Variants in ATP6V0A1 observed in about 807,000 individuals in gnomAD.
ATP6V0A1 encodes V-type proton ATPase 116 kDa subunit a 1.
ATP6V0A1 carries 43 observed loss-of-function variants against 105.4 expected under a neutral mutation model. The observed-to-expected ratio is 0.41, with a 90% CI of 0.32 to 0.53. The LOEUF (loss-of-function observed/expected upper bound fraction) is 0.53. Among genes scored for constraint, ATP6V0A1 ranks in the 20% least tolerant of loss-of-function variants. The probability of loss-of-function intolerance (pLI) is 0.30; values close to 1 mark genes in which losing one functional copy is unlikely to be tolerated. For synonymous variants in ATP6V0A1, 362 were observed against 372.8 expected, an observed-to-expected ratio of 0.97 and a Z score of 0.33; for missense variants, 676 against 1,051.1, an observed-to-expected ratio of 0.64 and a Z score of 4.93.
chr17:42,508,647 T>C, intron 19 of ATP6V0A1, 58 bp downstream of exon 19: 2 of 1,609,366 alleles, frequency 1.2e-6, no homozygotes, highest in Middle Eastern at 1.7e-4. Context: ...TTCCCATCCT[T>C]GTGATCACTC....
chr17:42,466,508 G>A lies in ATP6V0A1; in HGVS notation c.196+1G>A, dbSNP rs1426272694. On this transcript the variant is annotated splice_donor_variant, in intron 3 of 21. Coordinates refer to ENST00000343619, the MANE Select transcript of ATP6V0A1 (RefSeq NM_001130021.3). LOFTEE classifies it high-confidence loss of function. ...TGTGAAGAAATGGATCGAAAGCTTC[G>A]TATGTGCACTTTGGTCTTGTGTAAT... 1.2e-6 allele frequency: 2 copies of A among 1,611,876 alleles called. No individual in the cohort carries two copies. The highest frequency in any genetic ancestry group is 1.7e-5 in the Admixed American group (1 of 60,008).
intron 4 of ATP6V0A1, 98 bp from the exon 5 acceptor site, chr17:42,469,992 C>A: frequency 8.2e-7 from 1 of 1,224,312 alleles, no homozygotes; most frequent in Non-Finnish European, 1.1e-6. Flanking sequence ...TCTCTTTGAA[C>A]TATCGGCTTG....
intron 21 of ATP6V0A1, chr17:42,520,270 C>T: frequency 2.8e-6 from 1 of 359,962 alleles, no homozygotes; most frequent in Non-Finnish European, 5.5e-6. Flanking sequence ...GGTTGCTGGG[C>T]AGCTGTCCAG....
At chr17:42,500,611 G>A (rs1359468414) in intron 15 of ATP6V0A1, 96 bp from the exon 16 acceptor site, 2 of 938,542 alleles carry the variant, frequency 2.1e-6, no homozygotes, top group African/African-American at 1.6e-5. Context: ...AGAATTGAGG[G>A]GGTATTAAGT....
At chr17:42,490,987 G>A (rs998383405) in intron 11 of ATP6V0A1, among the ~76,000 whole-genome samples, 1 of 152,174 alleles carries the variant, frequency 6.6e-6, no homozygotes, top group Non-Finnish European at 1.5e-5. Flanking sequence ...AACCTCTGGA[G>A]TAGCTGGGAC....
At chr17:42,514,054 C>T (rs1029856096) in intron 20 of ATP6V0A1, 76 bp downstream of exon 20, 21 of 1,477,328 alleles carry the variant, frequency 1.4e-5, no homozygotes, top group Non-Finnish European at 2.0e-5. Context: ...GGGCTTAAGT[C>T]AAATGGAAAT....
At position 42,466,510 on chromosome 17, in the gene ATP6V0A1, A is replaced by G; in HGVS notation, c.196+3A>G. The G allele has an allele frequency of 6.2e-7, 1 of 1,611,850 alleles. No homozygotes were observed. The highest frequency in any genetic ancestry group is 8.5e-7 in the Non-Finnish European group (1 of 1,178,138). On this transcript the variant is annotated splice_donor_region_variant and intron_variant, in intron 3 of 21. Transcript: ENST00000343619. ...TGAAGAAATGGATCGAAAGCTTCGT[A>G]TGTGCACTTTGGTCTTGTGTAATGT...
At chr17:42,480,079 G>A (rs1361386725) in intron 7 of ATP6V0A1, among the ~76,000 whole-genome samples, 1 of 152,166 alleles carries the variant, frequency 6.6e-6, no homozygotes, top group East Asian at 1.9e-4. Context: ...GGCAACCTGA[G>A]ACAATCCTGG....
intron 7 of ATP6V0A1, chr17:42,478,811 C>A (rs2089124382): frequency 3.6e-6 from 1 of 278,518 alleles, no homozygotes; most frequent in African/African-American, 2.2e-5. Flanking sequence ...TTCAAGTTTA[C>A]CCGTGTAGAT....
intron 2 of ATP6V0A1, among the ~76,000 whole-genome samples, chr17:42,462,110 G>A (rs1220321283): frequency 6.6e-6 from 1 of 151,298 alleles, no homozygotes; most frequent in African/African-American, 2.4e-5. Flanking sequence ...AGCTGCTTGG[G>A]AAGCTAAGGT....
chr17:42,470,049 CAT>C (rs1567812166), intron 4 of ATP6V0A1, 39 bp from the exon 5 acceptor site: 1 of 1,528,656 alleles, frequency 6.5e-7, no homozygotes, highest in African/African-American at 1.4e-5. Flanking sequence ...TCAGAGCAAA[CAT>C]ATTGAGCTTA....
chr17:42,508,475 C>A, intron 18 of ATP6V0A1, 97 bp from the exon 19 acceptor site: 1 of 1,506,782 alleles, frequency 6.6e-7, no homozygotes, highest in South Asian at 1.1e-5. Flanking sequence ...TTAACATGAA[C>A]AGTCCTCCCC....
intron 5 of ATP6V0A1, among the ~76,000 whole-genome samples, chr17:42,474,326 T>G (rs1467570353): frequency 6.9e-6 from 1 of 145,842 alleles, no homozygotes; most frequent in Non-Finnish European, 1.5e-5. Context: ...ATTCAAAACT[T>G]TTTTTTTTTT....
rs563125643 is a variant in ATP6V0A1, at chr17:42,472,678, C to T, written c.423+2460C>T. On this transcript the variant is annotated intron_variant, in intron 5 of 21. Transcript: ENST00000343619. ...GGCGGAGGTTGTAGTGAGCTGAGATCGCACCACTGCACTCTAGCCTGGGCG... is the reference window on the plus strand; with the variant it reads ...GGCGGAGGTTGTAGTGAGCTGAGATTGCACCACTGCACTCTAGCCTGGGCG... Among the ~76,000 whole-genome samples the T allele has an allele frequency of 5.9e-5, 9 of 152,006 alleles. No homozygotes were observed. In the South Asian group the frequency reaches 1.2e-3, roughly 21 times the overall value.
chr17:42,495,224 T>C (rs1180504019), intron 13 of ATP6V0A1, 36 bp downstream of exon 13: 1 of 1,604,938 alleles, frequency 6.2e-7, no homozygotes, highest in South Asian at 1.1e-5. Context: ...CAAAGCTTAT[T>C]CCTTTCATGT....
At chr17:42,497,664 C>T (rs1315562112) in intron 14 of ATP6V0A1, among the ~76,000 whole-genome samples, 1 of 140,876 alleles carries the variant, frequency 7.1e-6, no homozygotes, top group South Asian at 2.3e-4. Context: ...CAGAGTAAGA[C>T]TCCATCTAAA....
At chr17:42,479,951 T>C (rs1454962898) in intron 7 of ATP6V0A1, among the ~76,000 whole-genome samples, 1 of 152,188 alleles carries the variant, frequency 6.6e-6, no homozygotes, top group Admixed American at 6.5e-5. Context: ...CTACAGAATT[T>C]AGGGATTTCA....
At chr17:42,471,940 A>G (rs1036339074) in intron 5 of ATP6V0A1, among the ~76,000 whole-genome samples, 1 of 152,066 alleles carries the variant, frequency 6.6e-6, no homozygotes, top group Non-Finnish European at 1.5e-5. Context: ...GATTGACAAT[A>G]TTAGACACTT....
intron 12 of ATP6V0A1, 91 bp from the exon 13 acceptor site, chr17:42,494,943 T>A: frequency 7.2e-7 from 1 of 1,380,460 alleles, no homozygotes; most frequent in Non-Finnish European, 1.0e-6. Flanking sequence ...AAAGTAGTGC[T>A]GGAGAAAGGG....
Sources: allele counts gnomAD v4.1 joint callset (sites outside exome capture counted in the v4.1 genomes callset), GRCh38; gene constraint gnomAD v4.1.1; transcripts MANE v1.5; gene names NCBI Gene and HGNC (gene_info 2026-07-23, HGNC 2026-07-21).